The following NAV3 variants were observed in gnomAD, a reference collection of about 807,000 sequenced individuals.
The protein encoded by NAV3 is pore membrane and/or filament interacting like protein 1.
A neutral mutation model predicts 244.7 loss-of-function variants in NAV3; 87 were observed. The ratio of observed to expected loss-of-function variants is 0.36; its 90% confidence interval spans 0.30 to 0.42. NAV3 has a LOEUF of 0.42. Ranked by LOEUF, NAV3 falls within the 20% of genes least tolerant of loss-of-function variation. The pLI, the probability that NAV3 is intolerant of heterozygous loss-of-function variation, is 1.00. For missense variants in NAV3, 2,663 were observed against 2,893.3 expected (o/e 0.92, Z 1.83); for synonymous variants, 1,126 against 1,042.2 (o/e 1.08, Z -1.55).
chr12:78,020,428 G>A (rs1876954764), intron 8 of NAV3, among the ~76,000 whole-genome samples: 1 of 151,968 alleles, frequency 6.6e-6, no homozygotes, highest in African/African-American at 2.4e-5. Context: ...ATTTGTTTAT[G>A]CTCTTTATAT....
chr12:77,676,459 A>G (rs1028407967), intron 2 of NAV3, among the ~76,000 whole-genome samples: 1 of 149,602 alleles, frequency 6.7e-6, no homozygotes, highest in Non-Finnish European at 1.5e-5. Flanking sequence ...TTTATCTTTT[A>G]TTTTCCTTCC....
chr12:77,694,497 CT>C (rs1243407053), intron 2 of NAV3, among the ~76,000 whole-genome samples: 3 of 151,106 alleles, frequency 2.0e-5, no homozygotes, highest in Admixed American at 2.0e-4. Context: ...AAAAGGCAGT[CT>C]CTTCTTCCTT....
At chr12:78,204,900 T>A in intron 38 of NAV3, 35 bp from the exon 39 acceptor site, 1 of 1,595,566 alleles carries the variant, frequency 6.3e-7, no homozygotes, top group Non-Finnish European at 8.6e-7. Context: ...AGAAATGCAT[T>A]TTATATATAT....
At chr12:78,019,508 T>C (rs1162269818) in intron 8 of NAV3, among the ~76,000 whole-genome samples, 1 of 152,110 alleles carries the variant, frequency 6.6e-6, no homozygotes, top group Non-Finnish European at 1.5e-5. Flanking sequence ...AAAACATAGG[T>C]CCAGGGAATA....
chr12:77,932,795 C>A (rs1888935062), intron 1 of NAV3, among the ~76,000 whole-genome samples: 1 of 152,076 alleles, frequency 6.6e-6, no homozygotes, highest in South Asian at 2.1e-4. Flanking sequence ...TTGCTTTTTG[C>A]CCAACCCTTA....
chr12:78,083,847 C>T (rs1953487885), intron 12 of NAV3, among the ~76,000 whole-genome samples: 1 of 152,148 alleles, frequency 6.6e-6, no homozygotes, highest in Non-Finnish European at 1.5e-5. Flanking sequence ...GCTGAGTTGT[C>T]ATATATTTCT....
chr12:77,925,818 C>A lies in NAV3; in HGVS notation c.244-14501C>A, dbSNP rs112318759. Among the ~76,000 whole-genome samples the A allele has an allele frequency of 9.7e-4, 147 of 152,050 alleles. 1 individual carries two copies. Among genetic ancestry groups the A allele is most frequent in the African/African-American group, 2.9e-3 (120 of 41,488 alleles). On this transcript the variant is annotated intron_variant, in intron 1 of 39. Coordinates refer to ENST00000397909, the MANE Select transcript of NAV3 (RefSeq NM_001024383.2). ...ATACAAAATGAAACCATCAAAGTGT[C>A]CTTAGCAAATAGCAAACTAGATGAC...
chr12:77,872,349 A>T (rs1466045957), intron 1 of NAV3, among the ~76,000 whole-genome samples: 1 of 152,204 alleles, frequency 6.6e-6, no homozygotes, highest in Non-Finnish European at 1.5e-5. Context: ...AATACGGAAA[A>T]AAAAACATTA....
intron 2 of NAV3, among the ~76,000 whole-genome samples, chr12:77,587,175 A>G (rs945526942): frequency 4.6e-5 from 7 of 152,248 alleles, no homozygotes; most frequent in African/African-American, 1.7e-4. Flanking sequence ...AAATTATTTG[A>G]TAATAAATTT....
chr12:77,940,524 C>T (rs1390486480), intron 2 of NAV3, 88 bp downstream of exon 2: 3 of 923,984 alleles, frequency 3.2e-6, no homozygotes, highest in Non-Finnish European at 3.4e-6. Context: ...CCTTACTGAA[C>T]TGGTCCATGT....
chr12:77,698,785 A>G (rs1302832032), intron 2 of NAV3, among the ~76,000 whole-genome samples: 2 of 152,144 alleles, frequency 1.3e-5, no homozygotes, highest in Non-Finnish European at 2.9e-5. Context: ...ATGGCTATTG[A>G]TGTTCAAGCC....
intron 22 of NAV3, 33 bp from the exon 23 acceptor site, chr12:78,159,170 A>G (rs770493867): frequency 7.6e-6 from 12 of 1,585,354 alleles, no homozygotes; most frequent in Non-Finnish European, 1.0e-5. Flanking sequence ...AGATTCTGAC[A>G]TTTAAACTAT....
intron 22 of NAV3, among the ~76,000 whole-genome samples, chr12:78,154,967 A>G (rs1957242732): frequency 6.6e-6 from 1 of 152,066 alleles, no homozygotes; most frequent in African/African-American, 2.4e-5. Context: ...TAAAGTAGCA[A>G]TGTTAATCTG....
intron 5 of NAV3, among the ~76,000 whole-genome samples, chr12:77,982,697 G>A (rs1187127364): frequency 1.3e-5 from 2 of 152,128 alleles, no homozygotes; most frequent in Non-Finnish European, 2.9e-5. Flanking sequence ...AGAATCAGAC[G>A]AGGCATAAAG....
intron 2 of NAV3, among the ~76,000 whole-genome samples, chr12:77,602,041 C>T (rs1565732365): frequency 6.6e-6 from 1 of 151,938 alleles, no homozygotes; most frequent in African/African-American, 2.4e-5. Flanking sequence ...CTCTGTCAGC[C>T]AAACACTGCA....
At chr12:77,991,262 G>A (rs932243603) in intron 5 of NAV3, among the ~76,000 whole-genome samples, 1 of 152,192 alleles carries the variant, frequency 6.6e-6, no homozygotes, top group East Asian at 1.9e-4. Context: ...CTGACCACGT[G>A]ATCTACCTGC....
chr12:77,996,741 G>A (rs2731414), intron 6 of NAV3, among the ~76,000 whole-genome samples: 21,579 of 152,038 alleles, frequency 0.14, 1,634 homozygotes, highest in East Asian at 0.3. Flanking sequence ...TGGTATATCG[G>A]ATACTAATAT....
chr12:77,644,530 T>A lies in NAV3; in HGVS notation c.72+72264T>A, dbSNP rs907341534. 2.5e-4 allele frequency among the ~76,000 whole-genome samples: 38 copies of A among 152,174 alleles called. 1 individual carries two copies. Among genetic ancestry groups the A allele is most frequent in the African/African-American group, 9.1e-4 (38 of 41,536 alleles). On this transcript the variant is annotated intron_variant, in intron 2 of 8. Transcript: ENST00000550042. ...CCATAGAACAGAGGCCTCAAAAATATATATGTACATACACAGCCTAAATGT... is the reference window on the plus strand; with the variant it reads ...CCATAGAACAGAGGCCTCAAAAATAAATATGTACATACACAGCCTAAATGT...
At chr12:77,940,668 T>C (rs1301188086) in intron 2 of NAV3, among the ~76,000 whole-genome samples, 1 of 152,230 alleles carries the variant, frequency 6.6e-6, no homozygotes, top group African/African-American at 2.4e-5. Flanking sequence ...CTAACCTTTA[T>C]TGAATCATTT....
Sources: allele counts gnomAD v4.1 joint callset (sites outside exome capture counted in the v4.1 genomes callset), GRCh38; gene constraint gnomAD v4.1.1; transcripts MANE v1.5; gene names NCBI Gene and HGNC (gene_info 2026-07-23, HGNC 2026-07-21).